Variants in FHIP2A observed in about 807,000 individuals in gnomAD.
FHIP2A encodes the protein FHF complex subunit HOOK interacting protein 2A, also known as family with sequence similarity 160 member B1.
In FHIP2A, 46 loss-of-function variants were observed where a neutral mutation model predicts 93.5. The ratio of observed to expected loss-of-function variants is 0.49; its 90% confidence interval spans 0.39 to 0.63. The LOEUF is 0.63. Ranked by LOEUF, FHIP2A falls within the 20% of genes least tolerant of loss-of-function variation. The pLI is 0.00. For synonymous variants in FHIP2A, 332 were observed against 326.5 expected, an observed-to-expected ratio of 1.02 and a Z score of -0.18; for missense variants, 769 against 909.7, an observed-to-expected ratio of 0.85 and a Z score of 1.99.
At chr10:114,885,331 G>A (rs1404924277) in intron 16 of FHIP2A, among the ~76,000 whole-genome samples, 2 of 151,136 alleles carry the variant, frequency 1.3e-5, no homozygotes, top group Admixed American at 6.6e-5. Context: ...GGAGGCGTAG[G>A]TTACAGTGAG....
Position 114,822,085 on chromosome 10 carries a change from T to C in FHIP2A, c.7T>C (p.Ser3Pro), listed in dbSNP as rs1483905838. The C allele has an allele frequency of 2.2e-6, 3 of 1,341,490 alleles. No individual in the cohort carries two copies. The highest frequency in any genetic ancestry group is 2.6e-5 in the Admixed American group (1 of 38,016). 83.1% of individuals were successfully genotyped at this position (1,341,490 alleles called of 1,614,324 possible). ...GCTGCAGTCCCGGGACAGGATGTTC[T>C]CCAAGTTCACCTCCATCCTGCAGCA... MF[S>P]KFTSILQHAV... The change falls in exon 1 of 17, where the codon TCC becomes CCC. Residue 3 changes from serine to proline, a missense_variant. Physicochemically the swap from Ser to Pro is moderately conservative, Grantham distance 74 (BLOSUM62 -1). Coordinates refer to ENST00000369248, the MANE Select transcript of FHIP2A (RefSeq NM_020940.4).
At chr10:114,843,556 G>C in intron 6 of FHIP2A, among the ~76,000 whole-genome samples, 185 bp from the exon 7 acceptor site, 1 of 151,966 alleles carries the variant, frequency 6.6e-6, no homozygotes, top group East Asian at 1.9e-4. Context: ...CACCCGCCTT[G>C]GCCTCCCAAA....
chr10:114,848,914 G>C (rs1354103597), intron 13 of FHIP2A, among the ~76,000 whole-genome samples, 177 bp downstream of exon 13: 2 of 151,910 alleles, frequency 1.3e-5, no homozygotes, highest in South Asian at 4.2e-4. Context: ...AGGCCGAAGC[G>C]GATGGATCAC....
rs1244223382 is a variant in FHIP2A at position 114,847,172 on chromosome 10, C to T, written c.1651C>T (p.Pro551Ser). 6.2e-7 allele frequency: 1 copy of T among 1,613,580 alleles called. No homozygotes were observed. Among genetic ancestry groups the T allele is most frequent in the South Asian group, 1.1e-5 (1 of 91,034 alleles). ...PNQEWLSSSP[P>S]ATPDHPKNDG... ...CCAAGAGTGGCTTAGTTCTTCACCT[C>T]CTGCTACTCCAGACCACCCCAAAAA... Residue 551 changes from proline to serine, a missense_variant, in exon 12 of 17, where the codon CCT (proline) becomes TCT (serine). Physicochemically the swap from Pro to Ser is moderately conservative, Grantham distance 74. Transcript: ENST00000369248.
intron 16 of FHIP2A, chr10:114,899,340 T>G: frequency 1.8e-6 from 1 of 543,650 alleles, no homozygotes; most frequent in South Asian, 2.9e-5. Context: ...TAACTTAAGC[T>G]AGTGTAAGCA....
Position 114,863,128 on chromosome 10 carries a change from T to C in FHIP2A, c.*1588T>C. The C allele has an allele frequency of 4.1e-6, 4 of 980,962 alleles. No homozygotes were observed. The highest frequency in any genetic ancestry group is 4.8e-6 in the Non-Finnish European group (4 of 825,816). The allele number at this position is 980,962 out of a possible 1,614,324, so 60.8% of individuals were successfully genotyped here. ...AAACCTCTAATTTCATGCAAATCTT[T>C]GTTAGCTTATTCTAAGAAATTTATT... On this transcript the variant is annotated 3_prime_UTR_variant, in exon 17 of 17. Coordinates refer to ENST00000369248, the MANE Select transcript of FHIP2A (RefSeq NM_020940.4).
At chr10:114,849,127 CAAAAAAAA>C (rs34515682) in intron 13 of FHIP2A, among the ~76,000 whole-genome samples, 1 of 50,410 alleles carries the variant, frequency 2.0e-5, no homozygotes, top group Non-Finnish European at 3.4e-5. Context: ...GACTCCATCT[CAAAAAAAA>C]AAAAAAAAAA....
chr10:114,844,262 C>T (rs1421875693), intron 7 of FHIP2A, among the ~76,000 whole-genome samples: 3 of 152,094 alleles, frequency 2.0e-5, no homozygotes, highest in Non-Finnish European at 2.9e-5. Context: ...AAATAATTTC[C>T]ACAGCCTCTA....
chr10:114,895,895 T>A (rs1248944739), intron 16 of FHIP2A, among the ~76,000 whole-genome samples: 1 of 152,180 alleles, frequency 6.6e-6, no homozygotes, highest in Non-Finnish European at 1.5e-5. Context: ...ATCATAGTTT[T>A]CTTATTTGAA....
intron 13 of FHIP2A, among the ~76,000 whole-genome samples, chr10:114,853,574 G>A (rs1202779834): frequency 6.6e-6 from 1 of 152,148 alleles, no homozygotes. Context: ...TATTCTTTCT[G>A]TAAAGTTTCA....
Position 114,861,424 on chromosome 10 carries a change from T to C in FHIP2A, c.2193-11T>C. 6.2e-7 allele frequency: 1 copy of C among 1,614,022 alleles called. No homozygotes were observed. Among genetic ancestry groups the C allele is most frequent in the Non-Finnish European group, 8.5e-7 (1 of 1,179,958 alleles). ...CTTGAATTGATTTATTGTCTGTTTT[T>C]TCCTTACCAGTATTGACCACATCAC... is the stretch of plus-strand genomic sequence containing the variant. On this transcript the variant is annotated splice_polypyrimidine_tract_variant and intron_variant, in intron 16 of 16. Coordinates refer to ENST00000369248, the MANE Select transcript of FHIP2A (RefSeq NM_020940.4).
chr10:114,834,650 T>A (rs2083626561), intron 3 of FHIP2A, among the ~76,000 whole-genome samples: 1 of 152,148 alleles, frequency 6.6e-6, no homozygotes, highest in Middle Eastern at 3.2e-3. Flanking sequence ...GCAGTGTGAG[T>A]GATCATTGGG....
At position 114,886,263 on chromosome 10, in the gene FHIP2A, C is replaced by T. The variant is rs142877272; in HGVS notation, c.2193-13227C>T. On this transcript the variant is annotated intron_variant, in intron 16 of 16. Transcript: ENST00000369250. ...CTAAAACACCAAGAATTAAGTAACTCGCCAAAGGCCACCCAATTATTATGT... is the reference window on the plus strand; with the variant it reads ...CTAAAACACCAAGAATTAAGTAACTTGCCAAAGGCCACCCAATTATTATGT... Among the ~76,000 whole-genome samples, 559 of 152,250 alleles carry T rather than the reference C, an allele frequency of 3.7e-3. 4 individuals are homozygous for T. The highest frequency in any genetic ancestry group is 0.012 in the African/African-American group (513 of 41,554).
chr10:114,861,395 C>T lies in FHIP2A; in HGVS notation c.2193-40C>T, dbSNP rs34064819. 3.7e-6 allele frequency: 6 copies of T among 1,613,436 alleles called. No individual in the cohort carries two copies. In the African/African-American group the frequency reaches 8.0e-5, roughly 22 times the overall value. ...TTTCAGTGAACTTAATGATCGGCTG[C>T]TATCTTGAATTGATTTATTGTCTGT... On this transcript the variant is annotated intron_variant, in intron 16 of 16. Transcript: ENST00000369248.
chr10:114,877,244 C>A (rs2143014783), intron 16 of FHIP2A, among the ~76,000 whole-genome samples: 1 of 152,186 alleles, frequency 6.6e-6, no homozygotes, highest in East Asian at 1.9e-4. Context: ...CACTGGAGGG[C>A]GATGTCTCCA....
At chr10:114,850,538 T>A (rs1252806105) in intron 13 of FHIP2A, among the ~76,000 whole-genome samples, 1 of 123,496 alleles carries the variant, frequency 8.1e-6, no homozygotes, top group African/African-American at 2.7e-5. Context: ...TTTACAAAAA[T>A]TTTTTAAAAA....
chr10:114,854,673 C>G (rs923705805), intron 13 of FHIP2A, among the ~76,000 whole-genome samples: 1 of 152,146 alleles, frequency 6.6e-6, no homozygotes, highest in Non-Finnish European at 1.5e-5. Flanking sequence ...CGGTAGTGAA[C>G]ACTTTGAGGA....
intron 2 of FHIP2A, among the ~76,000 whole-genome samples, chr10:114,831,817 C>G (rs1168731329): frequency 6.6e-6 from 1 of 152,142 alleles, no homozygotes; most frequent in Non-Finnish European, 1.5e-5. Flanking sequence ...AGTGACAGAG[C>G]CAAGATTTGA....
At chr10:114,854,106 C>T (rs2083752099) in intron 13 of FHIP2A, among the ~76,000 whole-genome samples, 1 of 149,996 alleles carries the variant, frequency 6.7e-6, no homozygotes, top group Admixed American at 6.7e-5. Context: ...CACACTGTTT[C>T]ACTGATAACT....
Sources: allele counts gnomAD v4.1 joint callset (sites outside exome capture counted in the v4.1 genomes callset), GRCh38; gene constraint gnomAD v4.1.1; transcripts MANE v1.5; gene names NCBI Gene and HGNC (gene_info 2026-07-23, HGNC 2026-07-21).